Variants in RCC1 observed in about 807,000 individuals in gnomAD.
RCC1 encodes regulator of chromosome condensation.
In RCC1, 11 loss-of-function variants were observed where a neutral mutation model predicts 44.4. The observed-to-expected ratio is 0.25, with a 90% CI of 0.16 to 0.41. RCC1 has a LOEUF of 0.41. Among genes scored for constraint, RCC1 ranks in the 10% least tolerant of loss-of-function variants. The probability of loss-of-function intolerance (pLI) is 1.00; values close to 1 mark genes in which losing one functional copy is unlikely to be tolerated. For missense variants in RCC1, 386 were observed against 547.1 expected (o/e 0.71, Z 2.94); for synonymous variants, 213 against 216.5 (o/e 0.98, Z 0.14).
chr1:28,534,971 TGGTGCCACTGCCCTTCTG>T (rs1664450420), intron 7 of RCC1, 61 bp from the exon 8 acceptor site: 1 of 1,077,632 alleles, frequency 9.3e-7, no homozygotes, highest in Non-Finnish European at 1.4e-6. Context: ...CATCCCCATC[TGGTGCCACTGCCCTTCTG>T]GATTTCACTG....
chr1:28,507,039 ATTT>A (rs1054692987), intron 1 of RCC1: 5 of 164,390 alleles, frequency 3.0e-5, no homozygotes, highest in African/African-American at 1.2e-4. Flanking sequence ...TTATTTTTAT[ATTT>A]TTAGGATTAC....
intron 5 of RCC1, among the ~76,000 whole-genome samples, chr1:28,530,370 G>A (rs1052758669): frequency 3.3e-5 from 5 of 152,220 alleles, no homozygotes; most frequent in African/African-American, 1.2e-4. Flanking sequence ...GTGTGAGGAT[G>A]AGATGAGATA....
At chr1:28,509,039 T>C in intron 3 of RCC1, 134 bp downstream of exon 3, 1 of 377,704 alleles carries the variant, frequency 2.6e-6, no homozygotes, top group South Asian at 2.0e-5. Context: ...AGTGGCGCAA[T>C]CTTGGCTGCA....
In RCC1 at chr1:28,532,278, G is replaced by C; in HGVS notation, c.369G>C (p.Gln123His). The change falls in exon 7 of 13, where the codon CAG (glutamine) becomes CAC (histidine). Residue 123 changes from glutamine to histidine, a missense_variant. Transcript: ENST00000683442. ...GKVELQEKVV[Q>H]VSAGDSHTAA... The stretch of plus-strand genomic sequence containing the variant: ...TGGAGCTGCAAGAGAAGGTGGTACA[G>C]GTGTCAGCAGGAGACAGTCACACAG... The C allele has an allele frequency of 6.2e-7, 1 of 1,614,194 alleles. No individual in the cohort carries two copies. The highest frequency in any genetic ancestry group is 8.5e-7 in the Non-Finnish European group (1 of 1,180,042).
intron 3 of RCC1, among the ~76,000 whole-genome samples, chr1:28,511,736 C>G (rs1470561494): frequency 1.3e-5 from 2 of 151,206 alleles, no homozygotes; most frequent in Non-Finnish European, 1.5e-5. Context: ...TCTTGGCTTG[C>G]TGCAACCTCC....
chr1:28,536,643 A>G lies in RCC1; in HGVS notation c.938-104A>G, dbSNP rs2124671025. On this transcript the variant is annotated intron_variant, in intron 11 of 12. Transcript: ENST00000683442. This position sits in a 1 kb window ranked among gnomAD's most constrained non-coding sequence, Gnocchi z 4.9. Reference sequence around the variant, plus strand: ...CAGATCTCCTTCTGATCGCTCTGGGAGCAGGGACACACTCCCATGGACAGG... The same window carrying G: ...CAGATCTCCTTCTGATCGCTCTGGGGGCAGGGACACACTCCCATGGACAGG... The G allele has an allele frequency of 7.2e-7, 1 of 1,385,706 alleles. No individual in the cohort carries two copies. Among genetic ancestry groups the G allele is most frequent in the African/African-American group, 1.4e-5 (1 of 70,408 alleles). The allele number at this position is 1,385,706 out of a possible 1,614,324, so 85.8% of individuals were successfully genotyped here. A position where few individuals can be genotyped will look rare whatever the true frequency, so the allele number is the denominator to read the frequency against.
Position 28,516,829 on chromosome 1 carries a change from A to G in RCC1, c.-48A>G, listed in dbSNP as rs1557870064. On this transcript the variant is annotated 5_prime_UTR_variant, in exon 4 of 13. Transcript: ENST00000683442. ...GAAATTTCACAGTACATCATCCAAA[A>G]GAGGAGTCCATGATGGAGGCAGAGG... is the stretch of plus-strand genomic sequence containing the variant. 2.2e-6 allele frequency: 1 copy of G among 456,740 alleles called. No homozygotes were observed. Among genetic ancestry groups the G allele is most frequent in the Non-Finnish European group, 4.4e-6 (1 of 226,954 alleles). The allele number at this position is 456,740 out of a possible 1,614,324, so 28.3% of individuals were successfully genotyped here.
In RCC1 at chr1:28,536,523, A is replaced by G; in HGVS notation, c.937+142A>G. On this transcript the variant is annotated intron_variant, in intron 11 of 12. Coordinates refer to ENST00000683442, the MANE Select transcript of RCC1 (RefSeq NM_001381865.2). The surrounding 1 kb of genome is among the most constrained non-coding windows in gnomAD (Gnocchi z 4.9). ...ACATGGGTCCATGAGAGTCACTCTC[A>G]TCCTCCTAGAGTCCTGGTGTTCTTC... 8.3e-7 allele frequency: 1 copy of G among 1,205,916 alleles called. No individual in the cohort carries two copies. Among genetic ancestry groups the G allele is most frequent in the Non-Finnish European group, 1.2e-6 (1 of 862,758 alleles). The allele number at this position is 1,205,916 out of a possible 1,614,324, so 74.7% of individuals were successfully genotyped here.
intron 5 of RCC1, 127 bp downstream of exon 5, chr1:28,530,066 T>G (rs931722807): frequency 1.5e-6 from 1 of 664,106 alleles, no homozygotes. Flanking sequence ...CCCACCCAGC[T>G]GGAAGGTTTC....
intron 3 of RCC1, among the ~76,000 whole-genome samples, chr1:28,511,611 C>T (rs1386405456): frequency 4.0e-5 from 6 of 151,230 alleles, no homozygotes; most frequent in Middle Eastern, 3.5e-3. Flanking sequence ...CCTCGTGATC[C>T]GCCCACCTCG....
intron 4 of RCC1, among the ~76,000 whole-genome samples, chr1:28,529,085 G>A (rs1663914841): frequency 6.8e-6 from 1 of 147,020 alleles, no homozygotes; most frequent in African/African-American, 2.5e-5. Context: ...ATGTTGGCCA[G>A]GCTGGTCTCG....
chr1:28,532,821 T>C, intron 7 of RCC1: 1 of 434,016 alleles, frequency 2.3e-6, no homozygotes, highest in South Asian at 1.7e-5. Flanking sequence ...GTTGTTGTTT[T>C]TGTATTGTTT....
chr1:28,506,312 G>A (rs1439504797), intron 1 of RCC1: 4 of 424,782 alleles, frequency 9.4e-6, no homozygotes, highest in Non-Finnish European at 1.9e-5. Context: ...AGCCTCTCCA[G>A]CAGCTGGGAT....
At chr1:28,533,507 G>T (rs1172954070) in intron 7 of RCC1, among the ~76,000 whole-genome samples, 5 of 150,626 alleles carry the variant, frequency 3.3e-5, no homozygotes, top group Non-Finnish European at 1.5e-5. Context: ...AGTAGCTCAT[G>T]CTTGTAATCC....
rs950299586 is a variant in RCC1 at position 28,506,507 on chromosome 1, A to G, written c.-262+423A>G. On this transcript the variant is annotated intron_variant, in intron 1 of 12. Coordinates refer to ENST00000683442, the MANE Select transcript of RCC1 (RefSeq NM_001381865.2). ...GCCGGAAATCATGTAATTTAAAACTATATATGGGTGTCTTAGGCGGCATCG... is the reference window on the plus strand; with the variant it reads ...GCCGGAAATCATGTAATTTAAAACTGTATATGGGTGTCTTAGGCGGCATCG... 2.3e-4 allele frequency: 65 copies of G among 281,140 alleles called. No individual in the cohort carries two copies. In the Admixed American group the frequency reaches 2.7e-3, roughly 12 times the overall value. The allele number at this position is 281,140 out of a possible 1,614,324, so 17.4% of individuals were successfully genotyped here.
intron 4 of RCC1, 139 bp downstream of exon 4, chr1:28,517,006 A>C (rs1451785857): frequency 2.6e-6 from 1 of 389,340 alleles, no homozygotes; most frequent in Non-Finnish European, 5.1e-6. Flanking sequence ...CTGTAATCCC[A>C]GCTATTTGGG....
intron 3 of RCC1, among the ~76,000 whole-genome samples, chr1:28,512,458 A>G (rs1039218250): frequency 1.3e-5 from 2 of 152,186 alleles, no homozygotes; most frequent in African/African-American, 4.8e-5. Context: ...TGCCTGCCAT[A>G]TAGCAAGCAC....
Position 28,506,519 on chromosome 1 carries a change from C to T in RCC1, c.-262+435C>T, listed in dbSNP as rs115068088. 911 of 255,014 alleles carry T rather than the reference C, an allele frequency of 3.6e-3. 8 individuals carry two copies. The highest frequency in any genetic ancestry group is 0.02 in the African/African-American group (850 of 42,472). 15.8% of individuals were successfully genotyped at this position (255,014 alleles called of 1,614,324 possible). A position where few individuals can be genotyped will look rare whatever the true frequency, so the allele number is the denominator to read the frequency against. On this transcript the variant is annotated intron_variant, in intron 1 of 12. Transcript: ENST00000683442. ...GTAATTTAAAACTATATATGGGTGT[C>T]TTAGGCGGCATCGGTCCCAACTCTA...
At chr1:28,523,378 A>C (rs1663425356) in intron 4 of RCC1, among the ~76,000 whole-genome samples, 2 of 152,150 alleles carry the variant, frequency 1.3e-5, no homozygotes, top group Admixed American at 6.6e-5. Context: ...AACTTGGTTC[A>C]GATCTTGGCC....
Sources: gnomAD v4.1 joint callset for allele counts (sites outside exome capture counted in the v4.1 genomes callset) on GRCh38, gnomAD v4.1.1 for gene constraint, Gnocchi (gnomAD v3.1) non-coding constraint, MANE v1.5 for transcripts, NCBI Gene and HGNC (gene_info 2026-07-23, HGNC 2026-07-21) for gene names.